Variants in ARSB observed in about 807,000 individuals in gnomAD.
ARSB encodes the protein N-acetylgalactosamine-4-sulfatase.
ARSB carries 41 observed loss-of-function variants against 50.9 expected under a neutral mutation model. The observed-to-expected ratio is 0.81, with a 90% CI of 0.63 to 1.04. ARSB has a LOEUF of 1.04. Ranked by LOEUF, ARSB falls within the 50% of genes least tolerant of loss-of-function variation. ARSB has a pLI of 0.00. For synonymous variants in ARSB, 269 were observed against 284.8 expected, an observed-to-expected ratio of 0.94 and a Z score of 0.56; for missense variants, 672 against 693.3, an observed-to-expected ratio of 0.97 and a Z score of 0.35.
Position 78,945,354 on chromosome 5 carries a change from C to T in ARSB, c.898+9941G>A, listed in dbSNP as rs188998147. Among the ~76,000 whole-genome samples the T allele has an allele frequency of 4.4e-3, 667 of 152,252 alleles. 6 individuals are homozygous for T. Among genetic ancestry groups the T allele is most frequent in the Non-Finnish European group, 4.6e-3 (311 of 68,014 alleles). On this transcript the variant is annotated intron_variant, in intron 4 of 7. Coordinates refer to ENST00000264914, the MANE Select transcript of ARSB (RefSeq NM_000046.5). Reference sequence around the variant, plus strand: ...CTCAGTTGGAAATGCAGAAATCATTCGTCTTCTGCGTCGCACATGTTGGAA... The same window carrying T: ...CTCAGTTGGAAATGCAGAAATCATTTGTCTTCTGCGTCGCACATGTTGGAA...
chr5:78,973,262 A>G (rs781209010), intron 1 of ARSB, among the ~76,000 whole-genome samples: 5 of 152,236 alleles, frequency 3.3e-5, no homozygotes, highest in Non-Finnish European at 7.3e-5. Flanking sequence ...AAGGTTCTAC[A>G]TGTAATATAC....
intron 6 of ARSB, among the ~76,000 whole-genome samples, chr5:78,816,577 G>A (rs892854471): frequency 6.6e-6 from 1 of 152,192 alleles, no homozygotes; most frequent in African/African-American, 2.4e-5. Context: ...TGCCATTAAG[G>A]TTACTAATCA....
At chr5:78,851,119 T>A (rs1444762991) in intron 5 of ARSB, among the ~76,000 whole-genome samples, 1 of 152,228 alleles carries the variant, frequency 6.6e-6, no homozygotes, top group African/African-American at 2.4e-5. Context: ...ATGTGTTTGC[T>A]CTTGCTTTTC....
At chr5:78,937,346 T>TGTAAGATATATAC (rs1750664211) in intron 4 of ARSB, among the ~76,000 whole-genome samples, 1 of 135,956 alleles carries the variant, frequency 7.4e-6, no homozygotes, top group Non-Finnish European at 1.6e-5. Flanking sequence ...AAGATATATA[T>TGTAAGATATATAC]ATCATATATA....
Position 78,796,879 on chromosome 5 carries a change from C to CTTTT in ARSB, c.1214-14909_1214-14906dup, listed in dbSNP as rs1342063568. Among the ~76,000 whole-genome samples, 349 of 126,364 alleles carry CTTTT rather than the reference C, an allele frequency of 2.8e-3. 3 individuals carry two copies. The highest frequency in any genetic ancestry group is 7.5e-3 in the African/African-American group (235 of 31,246). 82.9% of individuals were successfully genotyped at this position (126,364 alleles called of 152,430 possible). On this transcript the variant is annotated intron_variant, in intron 6 of 7. Coordinates refer to ENST00000264914, the MANE Select transcript of ARSB (RefSeq NM_000046.5). ...ATGTTGGCCAGGATGGTCTCGATCT[C>CTTTT]TTTTTTTTTTTTTTTTGAGACAGAG...
At chr5:78,937,228 T>C (rs1750643463) in intron 4 of ARSB, among the ~76,000 whole-genome samples, 1 of 149,942 alleles carries the variant, frequency 6.7e-6, no homozygotes, top group African/African-American at 2.4e-5. Flanking sequence ...ATTTAGTCAA[T>C]AAATATGCTC....
Position 78,878,412 on chromosome 5 carries a change from T to C in ARSB, c.1142+7172A>G, listed in dbSNP as rs149415833. On this transcript the variant is annotated intron_variant, in intron 5 of 7. Transcript: ENST00000264914. ...GCCAGCATGAGAACAGATAAGTCAG[T>C]GGGCTAAAACAGGGGGCCCCAAGAC... Among the ~76,000 whole-genome samples, 58 of 152,310 alleles carry C rather than the reference T, an allele frequency of 3.8e-4. No individual in the cohort carries two copies. The East Asian group carries it at 7.3e-3, about 19-fold the overall frequency.
intron 1 of ARSB, among the ~76,000 whole-genome samples, chr5:78,975,128 C>G (rs1752611845): frequency 6.6e-6 from 1 of 152,158 alleles, no homozygotes; most frequent in Non-Finnish European, 1.5e-5. Flanking sequence ...CTCTCCTGTG[C>G]CCCACTTCTG....
intron 1 of ARSB, among the ~76,000 whole-genome samples, chr5:78,976,737 A>G (rs943915659): frequency 6.6e-6 from 1 of 152,250 alleles, no homozygotes; most frequent in African/African-American, 2.4e-5. Flanking sequence ...GAACACTGTT[A>G]GATTCGAAAT....
chr5:78,811,308 A>G lies in ARSB; in HGVS notation c.1213+28048T>C, dbSNP rs73122608. Among the ~76,000 whole-genome samples the G allele has an allele frequency of 6.0e-3, 917 of 152,348 alleles. 6 individuals are homozygous for G. The highest frequency in any genetic ancestry group is 0.021 in the African/African-American group (886 of 41,580). On this transcript the variant is annotated intron_variant, in intron 6 of 7. Coordinates refer to ENST00000264914, the MANE Select transcript of ARSB (RefSeq NM_000046.5). The stretch of plus-strand genomic sequence containing the variant: ...ACTAGAAACTTTTTTGCAGGGCAGC[A>G]TTCTTTCGGTTAGTGGGATTCTGTT...
At chr5:78,798,639 GCA>G (rs1743267178) in intron 6 of ARSB, among the ~76,000 whole-genome samples, 1 of 152,216 alleles carries the variant, frequency 6.6e-6, no homozygotes, top group Non-Finnish European at 1.5e-5. Context: ...TAGGCTCTGA[GCA>G]CAGTTTTGGA....
chr5:78,792,078 T>C (rs1380378656), intron 6 of ARSB, among the ~76,000 whole-genome samples: 1 of 151,948 alleles, frequency 6.6e-6, no homozygotes, highest in Non-Finnish European at 1.5e-5. Context: ...TTAAGAAAGC[T>C]TATGAATTTT....
chr5:78,832,770 T>G (rs1744748072), intron 6 of ARSB, among the ~76,000 whole-genome samples: 1 of 152,164 alleles, frequency 6.6e-6, no homozygotes, highest in Non-Finnish European at 1.5e-5. Flanking sequence ...GTAACAAAGC[T>G]GTATGGAATC....
chr5:78,949,674 C>T (rs913373640), intron 4 of ARSB, among the ~76,000 whole-genome samples: 5 of 152,154 alleles, frequency 3.3e-5, no homozygotes, highest in Non-Finnish European at 7.4e-5. Context: ...CTCTGAGAGG[C>T]TGAGGTGGGT....
Position 78,914,641 on chromosome 5 carries a change from A to G in ARSB, c.899-28814T>C, listed in dbSNP as rs1749459435. Among the ~76,000 whole-genome samples, 3 of 152,182 alleles carry G rather than the reference A, an allele frequency of 2.0e-5. 1 individual carries two copies. In the South Asian group the frequency reaches 6.2e-4, roughly 32 times the overall value. On this transcript the variant is annotated intron_variant, in intron 4 of 7. Coordinates refer to ENST00000264914, the MANE Select transcript of ARSB (RefSeq NM_000046.5). ...CCCAACAAATACTCAGAGCCATCAGATGATGCCAAGGATACCTCATTATTC... is the reference window on the plus strand; with the variant it reads ...CCCAACAAATACTCAGAGCCATCAGGTGATGCCAAGGATACCTCATTATTC...
chr5:78,821,448 T>G (rs1173235075), intron 6 of ARSB, among the ~76,000 whole-genome samples: 1 of 152,238 alleles, frequency 6.6e-6, no homozygotes, highest in Non-Finnish European at 1.5e-5. Flanking sequence ...AATTTTGGTT[T>G]TATTTGTATG....
chr5:78,966,199 A>G (rs1752198712), intron 2 of ARSB, among the ~76,000 whole-genome samples: 1 of 152,238 alleles, frequency 6.6e-6, no homozygotes, highest in South Asian at 2.1e-4. Flanking sequence ...AAAAGATAAT[A>G]CAGATAGGAG....
intron 2 of ARSB, among the ~76,000 whole-genome samples, chr5:78,968,691 T>C (rs1038635011): frequency 3.9e-5 from 6 of 152,038 alleles, no homozygotes; most frequent in African/African-American, 1.2e-4. Flanking sequence ...ATTAAAAAAA[T>C]AAAAAATCAA....
chr5:78,923,040 C>T (rs987012834), intron 4 of ARSB, among the ~76,000 whole-genome samples: 18 of 152,084 alleles, frequency 1.2e-4, no homozygotes, highest in Non-Finnish European at 1.8e-4. Context: ...TTTGCTTGGA[C>T]CAAAGGCAGA....
Sources: allele counts gnomAD v4.1 joint callset (sites outside exome capture counted in the v4.1 genomes callset), GRCh38; gene constraint gnomAD v4.1.1; transcripts MANE v1.5; gene names NCBI Gene and HGNC (gene_info 2026-07-23, HGNC 2026-07-21).